SLC8A1: variants seen among roughly 807,000 people sequenced by gnomAD.
The protein encoded by SLC8A1 is solute carrier family 8 member A1, also known as sodium/calcium exchanger 1.
In SLC8A1, 18 loss-of-function variants were observed where a neutral mutation model predicts 68.3. The observed-to-expected ratio is 0.26, with a 90% confidence interval of 0.18 to 0.39. The LOEUF is 0.39. Ranked by LOEUF, SLC8A1 falls within the 10% of genes least tolerant of loss-of-function variation. SLC8A1 has a pLI of 1.00. For synonymous variants in SLC8A1, 475 were observed against 415.5 expected, an observed-to-expected ratio of 1.14 and a Z score of -1.74; for missense variants, 985 against 1,156.7, an observed-to-expected ratio of 0.85 and a Z score of 2.15.
intron 7 of SLC8A1, among the ~76,000 whole-genome samples, chr2:40,121,597 A>C (rs17500300): frequency 0.065 from 9,920 of 152,174 alleles, 443 homozygotes; most frequent in Non-Finnish European, 0.095. Context: ...AATTGATTGA[A>C]TTGTGCTGCT....
intron 2 of SLC8A1, among the ~76,000 whole-genome samples, chr2:40,228,115 T>C (rs1038233421): frequency 6.6e-6 from 1 of 152,204 alleles, no homozygotes; most frequent in African/African-American, 2.4e-5. Context: ...CTTTCATCAG[T>C]GCAAGTGTTG....
intron 2 of SLC8A1, among the ~76,000 whole-genome samples, chr2:40,242,281 C>T (rs993788321): frequency 6.6e-6 from 1 of 152,116 alleles, no homozygotes; most frequent in Non-Finnish European, 1.5e-5. Context: ...CTGTTTAGTT[C>T]TTTGTGAATG....
chr2:40,454,241 A>G (rs1414776640), upstream of SLC8A1, among the ~76,000 whole-genome samples: 2 of 152,190 alleles, frequency 1.3e-5, no homozygotes, highest in African/African-American at 2.4e-5. Flanking sequence ...ACTCCACTCA[A>G]TAGGAAATAG....
chr2:40,313,973 C>A (rs550738148), intron 2 of SLC8A1, among the ~76,000 whole-genome samples: 22 of 151,880 alleles, frequency 1.4e-4, no homozygotes, highest in African/African-American at 5.1e-4. Flanking sequence ...TTCAGTCTAG[C>A]CTGTCTTTTC....
intron 2 of SLC8A1, among the ~76,000 whole-genome samples, chr2:40,245,854 G>A (rs559625814): frequency 4.3e-4 from 65 of 152,184 alleles, no homozygotes; most frequent in African/African-American, 1.5e-3. Context: ...TCAGACTGTT[G>A]ACTGCTTTAT....
At chr2:40,279,938 T>C (rs2067273094) in intron 2 of SLC8A1, among the ~76,000 whole-genome samples, 1 of 152,236 alleles carries the variant, frequency 6.6e-6, no homozygotes, top group Non-Finnish European at 1.5e-5. Flanking sequence ...AATTGTTCCC[T>C]GCCTCTTTTC....
intron 2 of SLC8A1, among the ~76,000 whole-genome samples, chr2:40,205,409 T>A (rs1008156056): frequency 6.6e-6 from 1 of 152,062 alleles, no homozygotes; most frequent in Non-Finnish European, 1.5e-5. Context: ...AGTTTGAAAG[T>A]CTTCTCTCGT....
At chr2:40,461,414 C>G (rs1703332382) in intron 1 of SLC8A1, among the ~76,000 whole-genome samples, 1 of 152,140 alleles carries the variant, frequency 6.6e-6, no homozygotes, top group South Asian at 2.1e-4. Context: ...TGCCTGTCCC[C>G]CTTGGTGTGC....
At chr2:40,337,826 A>G (rs1002983252) in intron 2 of SLC8A1, among the ~76,000 whole-genome samples, 1 of 152,204 alleles carries the variant, frequency 6.6e-6, no homozygotes, top group Non-Finnish European at 1.5e-5. Context: ...CAGGATAAAC[A>G]TTACATTCCT....
intron 2 of SLC8A1, among the ~76,000 whole-genome samples, chr2:40,333,724 A>G (rs146664335): frequency 2.1e-3 from 325 of 152,164 alleles, no homozygotes; most frequent in Non-Finnish European, 3.8e-3. Context: ...CTTGTCCCCT[A>G]TTAGTTTGGA....
chr2:40,227,167 A>G (rs1337977784), intron 2 of SLC8A1, among the ~76,000 whole-genome samples: 1 of 152,146 alleles, frequency 6.6e-6, no homozygotes, highest in Non-Finnish European at 1.5e-5. Context: ...TTTAAAATTC[A>G]ACATTTAAGT....
At chr2:40,116,524 C>T (rs2035446214) in intron 7 of SLC8A1, among the ~76,000 whole-genome samples, 1 of 151,848 alleles carries the variant, frequency 6.6e-6, no homozygotes, top group Non-Finnish European at 1.5e-5. Flanking sequence ...CATGTGATCT[C>T]ACTGTTCAAT....
At chr2:40,246,837 T>TAAGTC (rs1174257929) in intron 2 of SLC8A1, among the ~76,000 whole-genome samples, 1 of 152,210 alleles carries the variant, frequency 6.6e-6, no homozygotes, top group Non-Finnish European at 1.5e-5. Context: ...TTTTTTTATT[T>TAAGTC]AAGTCTGTCA....
At chr2:40,410,221 A>G (rs1456344722) in intron 2 of SLC8A1, among the ~76,000 whole-genome samples, 1 of 152,132 alleles carries the variant, frequency 6.6e-6, no homozygotes, top group Non-Finnish European at 1.5e-5. Flanking sequence ...CAATGAAAGG[A>G]TGTAATGAAA....
chr2:40,494,463 T>C (rs1705538803), intron 1 of SLC8A1, among the ~76,000 whole-genome samples: 1 of 151,790 alleles, frequency 6.6e-6, no homozygotes, highest in African/African-American at 2.4e-5. Context: ...GCAATAAACA[T>C]ACGTGTGCAT....
intron 1 of SLC8A1, among the ~76,000 whole-genome samples, chr2:40,505,291 A>T (rs760895426): frequency 1.3e-5 from 2 of 151,922 alleles, no homozygotes; most frequent in Non-Finnish European, 2.9e-5. Context: ...CATCAGGGTG[A>T]CTGTAGTCAA....
chr2:40,193,602 G>A (rs2052327146), intron 2 of SLC8A1, among the ~76,000 whole-genome samples: 1 of 152,156 alleles, frequency 6.6e-6, no homozygotes, highest in Non-Finnish European at 1.5e-5. Context: ...GGTGAGTCAA[G>A]AAAGAGAGCT....
At chr2:40,463,450 G>A (rs1032939492) in intron 1 of SLC8A1, among the ~76,000 whole-genome samples, 10 of 152,068 alleles carry the variant, frequency 6.6e-5, no homozygotes, top group South Asian at 2.1e-4. Flanking sequence ...CTAAAGAATC[G>A]CCTTAGTTCC....
At chr2:40,257,923 T>G (rs2064161466) in intron 2 of SLC8A1, among the ~76,000 whole-genome samples, 1 of 152,200 alleles carries the variant, frequency 6.6e-6, no homozygotes, top group Admixed American at 6.5e-5. Context: ...ATGCCTAAAC[T>G]GTAATCACAA....
Sources: allele counts gnomAD v4.1 joint callset (sites outside exome capture counted in the v4.1 genomes callset), GRCh38; gene constraint gnomAD v4.1.1; transcripts MANE v1.5; gene names NCBI Gene and HGNC (gene_info 2026-07-23, HGNC 2026-07-21).